Variants in USO1 observed in about 807,000 individuals in gnomAD.
USO1 encodes the protein USO1 vesicle transport factor.
In USO1, 57 loss-of-function variants were observed where a neutral mutation model predicts 124.5. The ratio of observed to expected loss-of-function variants is 0.46; its 90% CI spans 0.37 to 0.57. The LOEUF (loss-of-function observed/expected upper bound fraction) is 0.57. USO1 is among the 20% of genes least tolerant of loss of function. USO1 has a pLI of 0.00. For synonymous variants in USO1, 369 were observed against 362.8 expected (o/e 1.02, Z -0.19); for missense variants, 900 against 1,040.6 (o/e 0.86, Z 1.86).
intron 13 of USO1, among the ~76,000 whole-genome samples, chr4:75,796,128 C>G (rs1722670729): frequency 6.6e-6 from 1 of 152,028 alleles, no homozygotes; most frequent in Non-Finnish European, 1.5e-5. Context: ...CAGCTTTAGC[C>G]TGCAGAATTT....
Position 75,771,064 on chromosome 4 carries a change from C to T in USO1, c.500-18C>T. 3.7e-6 allele frequency: 6 copies of T among 1,606,082 alleles called. No individual in the cohort carries two copies. The highest frequency in any genetic ancestry group is 5.1e-6 in the Non-Finnish European group (6 of 1,177,940). ...ATTTTTGGTCTGCCAGCATTTTTCACATGGTTGTATGTTCTAGGTGTTTCA... is the reference window on the plus strand; with the variant it reads ...ATTTTTGGTCTGCCAGCATTTTTCATATGGTTGTATGTTCTAGGTGTTTCA... On this transcript the variant is annotated intron_variant, in intron 6 of 23. Coordinates refer to ENST00000514213, the MANE Select transcript of USO1 (RefSeq NM_003715.4).
At chr4:75,726,849 T>C (rs574918772) in intron 1 of USO1, among the ~76,000 whole-genome samples, 81 of 152,322 alleles carry the variant, frequency 5.3e-4, no homozygotes, top group African/African-American at 1.9e-3. Flanking sequence ...TTATGAAATA[T>C]GGTTTATTAC....
intron 8 of USO1, among the ~76,000 whole-genome samples, chr4:75,779,688 C>T (rs997471653): frequency 4.6e-5 from 7 of 152,188 alleles, no homozygotes; most frequent in African/African-American, 1.7e-4. Context: ...ATGAAAGTAG[C>T]AGATGTTGCT....
At position 75,724,721 on chromosome 4, in the gene USO1, GTA is replaced by G; in HGVS notation, c.-98_-97del. ...GCGGTGGTGGCAGCAGTAGGAGTGTGTAGAGTGCGGGATTGGGGCCCAGGCCC... is the reference window on the plus strand; with the variant it reads ...GCGGTGGTGGCAGCAGTAGGAGTGTGGAGTGCGGGATTGGGGCCCAGGCCC... On this transcript the variant is annotated 5_prime_UTR_variant, in exon 1 of 24. Coordinates refer to ENST00000514213, the MANE Select transcript of USO1 (RefSeq NM_003715.4). The G allele has an allele frequency of 8.0e-7, 1 of 1,257,232 alleles. No individual in the cohort carries two copies. The highest frequency in any genetic ancestry group is 2.4e-5 in the East Asian group (1 of 40,968). The allele number at this position is 1,257,232 out of a possible 1,614,324, so 77.9% of individuals were successfully genotyped here. A position where few individuals can be genotyped will look rare whatever the true frequency, so the allele number is the denominator to read the frequency against.
At chr4:75,767,182 C>A (rs1435135770) in intron 4 of USO1, among the ~76,000 whole-genome samples, 3 of 152,268 alleles carry the variant, frequency 2.0e-5, no homozygotes, top group African/African-American at 4.8e-5. Flanking sequence ...TTTCCTTCCC[C>A]CTTCCCTCCC....
intron 1 of USO1, among the ~76,000 whole-genome samples, chr4:75,748,689 G>C (rs1721206039): frequency 6.6e-6 from 1 of 152,090 alleles, no homozygotes; most frequent in Non-Finnish European, 1.5e-5. Flanking sequence ...CCTCAAGGTA[G>C]ATAAGAATCC....
chr4:75,744,369 C>T (rs1721061413), intron 1 of USO1, among the ~76,000 whole-genome samples: 1 of 152,120 alleles, frequency 6.6e-6, no homozygotes, highest in Middle Eastern at 3.2e-3. Context: ...GATGATGGCT[C>T]ATTCATGATA....
intron 1 of USO1, among the ~76,000 whole-genome samples, chr4:75,738,393 G>C (rs1720856978): frequency 6.6e-6 from 1 of 151,882 alleles, no homozygotes; most frequent in East Asian, 2.0e-4. Context: ...GGAGGCGGAG[G>C]TTGCAGTGAG....
rs181434520 is a variant in USO1, at chr4:75,764,142, A to G, written c.296-6297A>G. ...AAATGTAAATTTTAATTCTATACTG[A>G]TAAGCTACAGCATATTATACAATAT... On this transcript the variant is annotated intron_variant, in intron 4 of 23. Coordinates refer to ENST00000514213, the MANE Select transcript of USO1 (RefSeq NM_003715.4). Among the ~76,000 whole-genome samples the G allele has an allele frequency of 2.8e-4, 42 of 152,322 alleles. No individual in the cohort carries two copies. In the South Asian group the frequency reaches 8.1e-3, roughly 29 times the overall value.
At chr4:75,791,961 T>C (rs1279561023) in intron 12 of USO1, among the ~76,000 whole-genome samples, 1 of 152,114 alleles carries the variant, frequency 6.6e-6, no homozygotes, top group Non-Finnish European at 1.5e-5. Flanking sequence ...CCATCATCAG[T>C]TTAATGCCGA....
intron 1 of USO1, among the ~76,000 whole-genome samples, chr4:75,748,247 G>GGTGT (rs777368302): frequency 2.1e-5 from 3 of 143,884 alleles, no homozygotes; most frequent in Non-Finnish European, 4.5e-5. Context: ...GGAGTGCAGT[G>GGTGT]GTGTCACTTT....
intron 1 of USO1, 112 bp downstream of exon 1, chr4:75,724,997 A>C (rs750848221): frequency 1.8e-6 from 2 of 1,086,220 alleles, no homozygotes; most frequent in South Asian, 1.5e-5. Context: ...GGGGGCATCC[A>C]CATGCCGCCT....
At chr4:75,737,160 T>C (rs1720815778) in intron 1 of USO1, among the ~76,000 whole-genome samples, 1 of 152,238 alleles carries the variant, frequency 6.6e-6, no homozygotes, top group Admixed American at 6.5e-5. Flanking sequence ...GCTATCTCAC[T>C]ACTTACTTTA....
intron 7 of USO1, 26 bp from the exon 8 acceptor site, chr4:75,774,650 C>T: frequency 6.5e-7 from 1 of 1,540,128 alleles, no homozygotes; most frequent in Non-Finnish European, 8.7e-7. Context: ...TTGTACTCCA[C>T]TAAACATTCT....
rs758962699 is a variant in USO1, at chr4:75,808,935, A to C, written c.2377-18A>C. ...TAATACCATTTAATGTTATGACTCA[A>C]CTATTTTTGTCTCTTAGGAACTGGC... On this transcript the variant is annotated intron_variant, in intron 20 of 23. Transcript: ENST00000514213. 3.2e-6 allele frequency: 5 copies of C among 1,576,316 alleles called. No homozygotes were observed.
intron 4 of USO1, among the ~76,000 whole-genome samples, chr4:75,759,264 T>TTTTTTTTTTTC (rs1553898967): frequency 6.9e-6 from 1 of 145,428 alleles, no homozygotes; most frequent in Non-Finnish European, 1.5e-5. Flanking sequence ...TTTTTTTTTT[T>TTTTTTTTTTTC]CTGAAAATTT....
Position 75,739,538 on chromosome 4 carries a change from C to CTTTTTTTT in USO1, c.67-12822_67-12815dup, listed in dbSNP as rs753369609. On this transcript the variant is annotated intron_variant, in intron 1 of 23. Coordinates refer to ENST00000514213, the MANE Select transcript of USO1 (RefSeq NM_003715.4). ...TTGCATTTTTGTATTTTATCTTTTT[C>CTTTTTTTT]TTTTTTTTTTTTTTTTTTTTGAGAC... is the stretch of plus-strand genomic sequence containing the variant. Among the ~76,000 whole-genome samples, 78 of 105,404 alleles carry CTTTTTTTT rather than the reference C, an allele frequency of 7.4e-4. 1 individual carries two copies. The highest frequency in any genetic ancestry group is 9.0e-4 in the Non-Finnish European group (49 of 54,256). The allele number at this position is 105,404 out of a possible 152,430, so 69.1% of individuals were successfully genotyped here.
At chr4:75,751,553 G>A (rs960604881) in intron 1 of USO1, among the ~76,000 whole-genome samples, 46 of 149,108 alleles carry the variant, frequency 3.1e-4, no homozygotes, top group African/African-American at 4.6e-4. Flanking sequence ...GGTTTTGGCC[G>A]GGCGCAGTGG....
At chr4:75,749,905 C>T (rs1189047978) in intron 1 of USO1, among the ~76,000 whole-genome samples, 3 of 151,954 alleles carry the variant, frequency 2.0e-5, no homozygotes, top group Non-Finnish European at 4.4e-5. Context: ...GCACCCGTCA[C>T]CAGGCCCAGC....
Sources: allele counts gnomAD v4.1 joint callset (sites outside exome capture counted in the v4.1 genomes callset), GRCh38; gene constraint gnomAD v4.1.1; transcripts MANE v1.5; gene names NCBI Gene and HGNC (gene_info 2026-07-23, HGNC 2026-07-21).